The following PDGFD variants were observed in gnomAD, a reference collection of about 807,000 sequenced individuals.
The protein encoded by PDGFD is platelet derived growth factor D.
In PDGFD, 30 loss-of-function variants were observed where a neutral mutation model predicts 44.7. The ratio of observed to expected loss-of-function variants is 0.67; its 90% CI spans 0.50 to 0.91. The LOEUF (loss-of-function observed/expected upper bound fraction) is 0.91. Ranked by LOEUF, PDGFD falls within the 40% of genes least tolerant of loss-of-function variation. PDGFD has a pLI of 0.00. For synonymous variants in PDGFD, 173 were observed against 168.4 expected (o/e 1.03, Z -0.21); for missense variants, 445 against 457.8 (o/e 0.97, Z 0.25).
At chr11:103,943,896 T>C (rs1237676488) in intron 4 of PDGFD, among the ~76,000 whole-genome samples, 1 of 149,772 alleles carries the variant, frequency 6.7e-6, no homozygotes, top group East Asian at 2.0e-4. Flanking sequence ...ACTTCCAGTT[T>C]ATCTTAAGTG....
chr11:104,143,886 G>C (rs1267260677), intron 1 of PDGFD, among the ~76,000 whole-genome samples: 1 of 152,172 alleles, frequency 6.6e-6, no homozygotes, highest in East Asian at 1.9e-4. Flanking sequence ...ATTTAAGGCA[G>C]CTTAAATTTC....
intron 1 of PDGFD, among the ~76,000 whole-genome samples, chr11:104,014,650 T>C (rs928307358): frequency 6.6e-6 from 1 of 152,144 alleles, no homozygotes; most frequent in African/African-American, 2.4e-5. Context: ...AAAGATGGGA[T>C]TGTGTGTGCC....
At chr11:104,068,830 CTGTG>C (rs557807826) in intron 1 of PDGFD, among the ~76,000 whole-genome samples, 1 of 151,940 alleles carries the variant, frequency 6.6e-6, no homozygotes, top group East Asian at 1.9e-4. Flanking sequence ...ACATATGCCT[CTGTG>C]TGTGTGTCTG....
At chr11:104,121,086 G>A (rs972885920) in intron 1 of PDGFD, among the ~76,000 whole-genome samples, 2 of 151,968 alleles carry the variant, frequency 1.3e-5, no homozygotes, top group Non-Finnish European at 2.9e-5. Context: ...TGAAGATACA[G>A]AGTGACAGCA....
At chr11:104,054,266 C>T (rs1170132121) in intron 1 of PDGFD, among the ~76,000 whole-genome samples, 1 of 152,186 alleles carries the variant, frequency 6.6e-6, no homozygotes, top group African/African-American at 2.4e-5. Flanking sequence ...TGCACAATAT[C>T]CTTCATAGTT....
intron 1 of PDGFD, among the ~76,000 whole-genome samples, chr11:104,073,732 A>C (rs529471842): frequency 6.6e-6 from 1 of 152,312 alleles, no homozygotes; most frequent in East Asian, 1.9e-4. Context: ...AATCATTCTA[A>C]TCATTAGGTA....
chr11:104,029,146 TAG>T (rs1860088990), intron 1 of PDGFD, among the ~76,000 whole-genome samples: 1 of 152,162 alleles, frequency 6.6e-6, no homozygotes, highest in Admixed American at 6.5e-5. Flanking sequence ...TCTTTCAGAA[TAG>T]AGAGACAACC....
intron 1 of PDGFD, among the ~76,000 whole-genome samples, chr11:104,062,019 T>C (rs537667168): frequency 5.9e-5 from 9 of 152,352 alleles, no homozygotes; most frequent in African/African-American, 2.2e-4. Flanking sequence ...TAGTTTCTAT[T>C]CTCGTTTTTC....
intron 5 of PDGFD, among the ~76,000 whole-genome samples, chr11:103,941,277 C>G (rs1195227755): frequency 6.6e-6 from 1 of 151,958 alleles, no homozygotes; most frequent in East Asian, 1.9e-4. Context: ...AGTGGAGAAC[C>G]ATAGGAGGTG....
At chr11:104,119,329 T>TATATAATATATTG (rs1565340779) in intron 1 of PDGFD, among the ~76,000 whole-genome samples, 9 of 49,638 alleles carry the variant, frequency 1.8e-4, no homozygotes, top group African/African-American at 4.0e-4. Context: ...ATTGATATAA[T>TATATAATATATTG]ATATAATATA....
chr11:103,950,972 G>T (rs1294248885), intron 3 of PDGFD, among the ~76,000 whole-genome samples: 1 of 152,084 alleles, frequency 6.6e-6, no homozygotes, highest in Non-Finnish European at 1.5e-5. Flanking sequence ...TAAGCAGAAA[G>T]GGACTTTGGT....
At chr11:104,119,029 C>T (rs766164562) in intron 1 of PDGFD, among the ~76,000 whole-genome samples, 164 of 494 alleles carry the variant, frequency 0.33, 62 homozygotes, top group South Asian at 0.62. Context: ...TATAATATAT[C>T]GATATAATAT....
intron 6 of PDGFD, among the ~76,000 whole-genome samples, chr11:103,919,868 A>AT (rs1482250733): frequency 1.3e-5 from 2 of 151,722 alleles, no homozygotes; most frequent in African/African-American, 4.9e-5. Context: ...GGAAAAAAAA[A>AT]AGCTTCTCTT....
At chr11:103,997,970 T>C (rs1859560445) in intron 2 of PDGFD, among the ~76,000 whole-genome samples, 1 of 152,134 alleles carries the variant, frequency 6.6e-6, no homozygotes. Context: ...ATTTGATTAA[T>C]GGTTCAGAAA....
At position 104,119,056 on chromosome 11, in the gene PDGFD, T is replaced by TTAATA. The variant is rs1861699548; in HGVS notation, c.124+44743_124+44747dup. Among the ~76,000 whole-genome samples, 3 of 50,478 alleles carry TTAATA rather than the reference T, an allele frequency of 5.9e-5. 1 individual carries two copies. The highest frequency in any genetic ancestry group is 1.1e-4 in the Non-Finnish European group (3 of 28,410). The allele number at this position is 50,478 out of a possible 152,430, so 33.1% of individuals were successfully genotyped here. A position where few individuals can be genotyped will look rare whatever the true frequency, so the allele number is the denominator to read the frequency against. On this transcript the variant is annotated intron_variant, in intron 1 of 6. Coordinates refer to ENST00000393158, the MANE Select transcript of PDGFD (RefSeq NM_025208.5). ...ATATAATATATAATATATTGATATA[T>TTAATA]TAATATAATATATTGGTATAATATA...
At chr11:103,971,608 G>A (rs1859103758) in intron 3 of PDGFD, among the ~76,000 whole-genome samples, 1 of 151,936 alleles carries the variant, frequency 6.6e-6, no homozygotes, top group Non-Finnish European at 1.5e-5. Context: ...TAGTCTATGT[G>A]GTATATATAC....
intron 1 of PDGFD, among the ~76,000 whole-genome samples, chr11:104,120,836 A>AT (rs1306329955): frequency 6.6e-6 from 1 of 151,740 alleles, no homozygotes; most frequent in African/African-American, 2.4e-5. Context: ...TACTACTGTG[A>AT]TTTTTTCCCC....
At chr11:103,992,034 G>T (rs1211868977) in intron 3 of PDGFD, among the ~76,000 whole-genome samples, 1 of 152,084 alleles carries the variant, frequency 6.6e-6, no homozygotes, top group Non-Finnish European at 1.5e-5. Flanking sequence ...TTGTTCTCCA[G>T]CAAAGTAGAT....
intron 1 of PDGFD, among the ~76,000 whole-genome samples, chr11:104,085,199 C>A (rs556090700): frequency 5.3e-5 from 8 of 152,044 alleles, no homozygotes; most frequent in African/African-American, 1.7e-4. Flanking sequence ...CACAAAGAAA[C>A]CCCCTTGTGT....
Sources: allele counts gnomAD v4.1 joint callset (sites outside exome capture counted in the v4.1 genomes callset), GRCh38; gene constraint gnomAD v4.1.1; transcripts MANE v1.5; gene names NCBI Gene and HGNC (gene_info 2026-07-23, HGNC 2026-07-21).